MIPOL1: variants seen among roughly 807,000 people sequenced by gnomAD.
MIPOL1 encodes mirror-image polydactyly 1, also known as mirror-image polydactyly gene 1 protein.
MIPOL1 carries 57 observed loss-of-function variants against 60.9 expected under a neutral mutation model. That is an observed-to-expected ratio of 0.94 (90% CI 0.76 to 1.17). The LOEUF (loss-of-function observed/expected upper bound fraction) is 1.17, where lower values mean the gene tolerates loss of function less well. Among genes scored for constraint, MIPOL1 ranks in the 50% most tolerant of loss-of-function variants. The pLI, the probability that MIPOL1 is intolerant of heterozygous loss-of-function variation, is 0.00. For missense variants in MIPOL1, 551 were observed against 511.6 expected (o/e 1.08, Z -0.74); for synonymous variants, 179 against 168.8 (o/e 1.06, Z -0.47).
chr14:37,287,104 A>T (rs2084636596), intron 7 of MIPOL1, among the ~76,000 whole-genome samples: 1 of 152,228 alleles, frequency 6.6e-6, no homozygotes, highest in Admixed American at 6.5e-5. Context: ...TTTAAGGCTC[A>T]GTTTTTTTGG....
intron 12 of MIPOL1, among the ~76,000 whole-genome samples, chr14:37,514,729 C>T (rs1485201128): frequency 1.3e-5 from 2 of 151,790 alleles, no homozygotes; most frequent in African/African-American, 4.8e-5. Flanking sequence ...TCATGCGATT[C>T]TCCTGCCTCA....
intron 12 of MIPOL1, among the ~76,000 whole-genome samples, chr14:37,531,935 CT>C (rs1223265555): frequency 1.3e-5 from 2 of 152,052 alleles, no homozygotes; most frequent in African/African-American, 4.8e-5. Context: ...TCCTTGTGTC[CT>C]TTCCACCTCC....
intron 9 of MIPOL1, among the ~76,000 whole-genome samples, chr14:37,335,915 C>A (rs1168587753): frequency 2.6e-5 from 4 of 151,892 alleles, no homozygotes; most frequent in African/African-American, 9.7e-5. Flanking sequence ...TTGATATAGT[C>A]CAATTTTATC....
chr14:37,254,916 A>G (rs1183039797), intron 3 of MIPOL1, among the ~76,000 whole-genome samples: 1 of 151,736 alleles, frequency 6.6e-6, no homozygotes, highest in East Asian at 1.9e-4. Context: ...TCTTTAGGTT[A>G]AGGAAATACA....
Position 37,231,786 on chromosome 14 carries a change from A to G in MIPOL1, c.-198-15317A>G, listed in dbSNP as rs962791670. ...TCAAAGAGGTGTGAGAAAACTGAAT[A>G]AAAGCCCTACAGGCCGGGAGTAGTG... On this transcript the variant is annotated intron_variant, in intron 1 of 12. Transcript: ENST00000684589. Among the ~76,000 whole-genome samples, 21 of 152,194 alleles carry G rather than the reference A, an allele frequency of 1.4e-4. 1 individual carries two copies. Among genetic ancestry groups the G allele is most frequent in the Non-Finnish European group, 7.3e-5 (5 of 68,040 alleles).
intron 1 of MIPOL1, among the ~76,000 whole-genome samples, chr14:37,244,090 G>T: frequency 2.1e-5 from 2 of 95,940 alleles, no homozygotes; most frequent in Non-Finnish European, 4.5e-5. Flanking sequence ...TTTCTTCCAT[G>T]TAAGACTCAC....
At chr14:37,298,287 T>C (rs2085974157) in intron 7 of MIPOL1, among the ~76,000 whole-genome samples, 2 of 152,148 alleles carry the variant, frequency 1.3e-5, no homozygotes, top group Non-Finnish European at 2.9e-5. Context: ...TTACACCTTA[T>C]ACAAAAATTA....
intron 12 of MIPOL1, among the ~76,000 whole-genome samples, chr14:37,525,248 G>T (rs1426261822): frequency 1.3e-5 from 2 of 152,180 alleles, no homozygotes. Context: ...TGAGCATACA[G>T]TCTAGCAAGG....
At chr14:37,521,885 G>GAAAAA (rs71449997) in intron 12 of MIPOL1, among the ~76,000 whole-genome samples, 2,245 of 130,212 alleles carry the variant, frequency 0.017, 77 homozygotes, top group African/African-American at 0.059. Context: ...TTTATCTAAA[G>GAAAAA]AAAAAAAAAT....
intron 10 of MIPOL1, among the ~76,000 whole-genome samples, chr14:37,386,869 A>G (rs1369758033): frequency 2.0e-5 from 3 of 151,930 alleles, no homozygotes; most frequent in Non-Finnish European, 4.4e-5. Flanking sequence ...ATACTCCATA[A>G]TGGCTACACA....
chr14:37,538,969 G>A (rs1352809417), intron 12 of MIPOL1, among the ~76,000 whole-genome samples: 3 of 151,952 alleles, frequency 2.0e-5, no homozygotes, highest in Non-Finnish European at 2.9e-5. Context: ...TTGGGAGGCC[G>A]AGGCAGGCGG....
chr14:37,311,391 G>C (rs373540679), intron 9 of MIPOL1, among the ~76,000 whole-genome samples: 1 of 152,036 alleles, frequency 6.6e-6, no homozygotes, highest in South Asian at 2.1e-4. Flanking sequence ...GGTATAAAAG[G>C]ATAAATAAAT....
rs1329707001 is a variant in MIPOL1, at chr14:37,496,376, C to T, written c.1032-3532C>T. Reference sequence around the variant, plus strand: ...AAGTCAAATTGTCCCTGTTTGCAGACGACATGATTGTATATCTAGAAAACC... The same window carrying T: ...AAGTCAAATTGTCCCTGTTTGCAGATGACATGATTGTATATCTAGAAAACC... On this transcript the variant is annotated intron_variant, in intron 11 of 12. Coordinates refer to ENST00000684589, the MANE Select transcript of MIPOL1 (RefSeq NM_001388067.1). Among the ~76,000 whole-genome samples the T allele has an allele frequency of 5.6e-5, 8 of 142,714 alleles. No individual in the cohort carries two copies. In the East Asian group the frequency reaches 6.1e-4, roughly 11 times the overall value. 93.6% of individuals were successfully genotyped at this position (142,714 alleles called of 152,430 possible).
downstream of MIPOL1, chr14:37,552,091 T>TA (rs1408393251): frequency 6.6e-6 from 1 of 152,022 alleles, no homozygotes; most frequent in African/African-American, 2.4e-5. Context: ...GGAGTGAACT[T>TA]AGAATTTACA....
chr14:37,360,096 G>C (rs1180306975), intron 9 of MIPOL1, among the ~76,000 whole-genome samples: 1 of 152,096 alleles, frequency 6.6e-6, no homozygotes, highest in South Asian at 2.1e-4. Context: ...TTTTGTCATT[G>C]GTTCTGTTTA....
intron 1 of MIPOL1, among the ~76,000 whole-genome samples, chr14:37,244,257 A>G (rs969727321): frequency 6.6e-6 from 1 of 150,546 alleles, no homozygotes; most frequent in Non-Finnish European, 1.5e-5. Flanking sequence ...GTAGCTGGGG[A>G]CTACAGGTGC....
chr14:37,349,346 G>C (rs1421767477), intron 9 of MIPOL1, among the ~76,000 whole-genome samples: 1 of 152,080 alleles, frequency 6.6e-6, no homozygotes, highest in Non-Finnish European at 1.5e-5. Context: ...AACAAATTAT[G>C]TGGCTTCTCT....
At chr14:37,199,674 A>G (rs949319008) in intron 1 of MIPOL1, among the ~76,000 whole-genome samples, 4 of 151,898 alleles carry the variant, frequency 2.6e-5, no homozygotes, top group Non-Finnish European at 5.9e-5. Flanking sequence ...ACAGGTGCCT[A>G]CCACCACGCC....
At chr14:37,242,191 C>A (rs942139002) in intron 1 of MIPOL1, among the ~76,000 whole-genome samples, 3 of 151,710 alleles carry the variant, frequency 2.0e-5, no homozygotes, top group Admixed American at 6.6e-5. Context: ...AATTAAAAAA[C>A]CAAATTATAC....
Sources: allele counts gnomAD v4.1 joint callset (sites outside exome capture counted in the v4.1 genomes callset), GRCh38; gene constraint gnomAD v4.1.1; transcripts MANE v1.5; gene names NCBI Gene and HGNC (gene_info 2026-07-23, HGNC 2026-07-21).